GRIP2: variants seen among roughly 807,000 people sequenced by gnomAD.
GRIP2 encodes the protein glutamate receptor-interacting protein 2.
In GRIP2, 58 loss-of-function variants were observed where a neutral mutation model predicts 108.3. The observed-to-expected ratio is 0.54, with a 90% CI of 0.43 to 0.67. GRIP2 has a LOEUF of 0.67. GRIP2 is among the 30% of genes least tolerant of loss of function. The pLI is 0.00. For synonymous variants in GRIP2, 586 were observed against 598.2 expected, an observed-to-expected ratio of 0.98 and a Z score of 0.30; for missense variants, 1,278 against 1,430.6, an observed-to-expected ratio of 0.89 and a Z score of 1.72.
At position 14,500,433 on chromosome 3, in the gene GRIP2, C is replaced by A. The variant is rs186115134; in HGVS notation, c.2679+3133G>T. Among the ~76,000 whole-genome samples the A allele has an allele frequency of 3.2e-3, 484 of 152,248 alleles. 4 individuals are homozygous for A. The highest frequency in any genetic ancestry group is 0.01 in the African/African-American group (416 of 41,550). ...TAAGACAAATAAACTCTTACTGAGACACATCAGAGCAAGAGAGCCAGCCAT... is the reference window on the plus strand; with the variant it reads ...TAAGACAAATAAACTCTTACTGAGAAACATCAGAGCAAGAGAGCCAGCCAT... On this transcript the variant is annotated intron_variant, in intron 21 of 23. Coordinates refer to ENST00000621039, the MANE Select transcript of GRIP2 (RefSeq NM_001080423.4).
intron 7 of GRIP2, 172 bp from the exon 8 acceptor site, chr3:14,520,709 A>G: frequency 2.9e-6 from 2 of 698,348 alleles, no homozygotes; most frequent in Non-Finnish European, 4.7e-6. Context: ...ACCAAATGTT[A>G]TATCAATTTG....
In GRIP2 at chr3:14,511,289, G is replaced by C. The variant is rs781690636; in HGVS notation, c.1809C>G (p.Gly603=). 2 of 1,613,862 alleles carry C rather than the reference G, an allele frequency of 1.2e-6. No homozygotes were observed. Among genetic ancestry groups the C allele is most frequent in the African/African-American group, 2.7e-5 (2 of 74,920 alleles). Reference sequence around the variant, plus strand: ...TATTGTCAATGGCCAGTAGCTTGTCGCCTGGCTCCAGGGTGCCCGTCCTGC... The same window carrying C: ...TATTGTCAATGGCCAGTAGCTTGTCCCCTGGCTCCAGGGTGCCCGTCCTGC... ...VAHRTGTLEP[G]DKLLAIDNIR... Residue 603 remains glycine (G), a synonymous_variant, in exon 16 of 24, where the codon GGC becomes GGG. Transcript: ENST00000621039. The surrounding 1 kb of genome is among the most constrained non-coding windows in gnomAD (Gnocchi z 4.1).
chr3:14,542,899 A>C (rs1167031687), upstream of GRIP2, among the ~76,000 whole-genome samples: 1 of 152,208 alleles, frequency 6.6e-6, no homozygotes, highest in African/African-American at 2.4e-5. Context: ...GCCAAGTTTC[A>C]CACTCAGGAG....
chr3:14,567,589 T>C, the GRIP2 span, among the ~76,000 whole-genome samples: 2 of 152,220 alleles, frequency 1.3e-5, no homozygotes, highest in Admixed American at 1.3e-4. Flanking sequence ...GGGACTCTTC[T>C]AGTCCTCAAA....
chr3:14,587,639 C>CA, the GRIP2 span, among the ~76,000 whole-genome samples: 438 of 124,314 alleles, frequency 3.5e-3, 1 homozygote, highest in Middle Eastern at 0.017. Flanking sequence ...ATGCCATCTC[C>CA]AAAAAAAAAA....
chr3:14,502,777 G>A (rs1693803139), intron 21 of GRIP2, among the ~76,000 whole-genome samples: 1 of 151,896 alleles, frequency 6.6e-6, no homozygotes, highest in East Asian at 1.9e-4. Flanking sequence ...AAAGTGGAAG[G>A]AAGAGACTAT....
intron 21 of GRIP2, among the ~76,000 whole-genome samples, chr3:14,499,550 T>C (rs181067832): frequency 0.051 from 7,365 of 145,146 alleles, 279 homozygotes; most frequent in Middle Eastern, 0.1. Context: ...ACCCTGTCTC[T>C]ACCAAAAAAA....
intron 1 of GRIP2, 200 bp from the exon 2 acceptor site, chr3:14,526,131 T>TCAAA: frequency 1.6e-6 from 1 of 615,708 alleles, no homozygotes. Context: ...CTCTTGGGGC[T>TCAAA]GAGTAACATT....
chr3:14,518,825 C>A (rs1694328153), intron 9 of GRIP2, among the ~76,000 whole-genome samples: 1 of 152,348 alleles, frequency 6.6e-6, no homozygotes, highest in East Asian at 1.9e-4. Flanking sequence ...CCTATCTGTG[C>A]CTCAGTGCTA....
In GRIP2 at chr3:14,521,577, C is replaced by T. The variant is rs528818030; in HGVS notation, c.712+65G>A. On this transcript the variant is annotated intron_variant, in intron 7 of 23. Transcript: ENST00000621039. This position sits in a 1 kb window ranked among gnomAD's most constrained non-coding sequence, Gnocchi z 5.1. ...TTGCAGTGGTAAAGATCCATGGCCA[C>T]TGCCACCTCCCCCCATCCCAGGCCT... The T allele has an allele frequency of 6.7e-4, 1,007 of 1,501,236 alleles. 8 individuals are homozygous for T. In the South Asian group the frequency reaches 9.1e-3, roughly 14 times the overall value. The allele number at this position is 1,501,236 out of a possible 1,614,324, so 93.0% of individuals were successfully genotyped here. A position where few individuals can be genotyped will look rare whatever the true frequency, so the allele number is the denominator to read the frequency against.
chr3:14,565,872 G>C, the GRIP2 span, among the ~76,000 whole-genome samples: 1 of 152,170 alleles, frequency 6.6e-6, no homozygotes, highest in African/African-American at 2.4e-5. Flanking sequence ...CCCCCATCCT[G>C]CCATGCATCT....
intron 17 of GRIP2, 119 bp downstream of exon 17, chr3:14,509,701 C>T (rs1694029696): frequency 3.8e-6 from 4 of 1,060,980 alleles, no homozygotes; most frequent in Non-Finnish European, 5.0e-6. Context: ...GGCCCAATGT[C>T]ACCCACAGTG....
the GRIP2 span, chr3:14,573,554 A>C: frequency 6.9e-7 from 1 of 1,448,598 alleles, no homozygotes; most frequent in Non-Finnish European, 9.7e-7. Flanking sequence ...CCTCATGGAA[A>C]TAGCCCCTCA....
At chr3:14,504,875 C>T (rs1559333480) in intron 20 of GRIP2, among the ~76,000 whole-genome samples, 1 of 152,074 alleles carries the variant, frequency 6.6e-6, no homozygotes. Flanking sequence ...TACTAGGGGC[C>T]ACGCGTGGAG....
intron 21 of GRIP2, among the ~76,000 whole-genome samples, chr3:14,499,430 T>C (rs1382471596): frequency 6.6e-6 from 1 of 151,946 alleles, no homozygotes; most frequent in East Asian, 1.9e-4. Context: ...CAAAAGAAAC[T>C]TGAGAACCGG....
At position 14,552,185 on chromosome 3, in the gene GRIP2, C is replaced by G. The variant is rs186678532; in HGVS notation, c.55+3715G>C. ...CGCACTGGAGAGAGAGGGCTCATTT[C>G]CACTCTGGGAGTCAGATTTGAGGCC... is the stretch of plus-strand genomic sequence containing the variant. On this transcript the variant is annotated intron_variant, in intron 1 of 23. Coordinates refer to the GRIP2 transcript ENST00000637182. Among the ~76,000 whole-genome samples the G allele has an allele frequency of 5.6e-3, 856 of 152,326 alleles. 6 individuals are homozygous for G. The highest frequency in any genetic ancestry group is 0.019 in the African/African-American group (803 of 41,568).
At chr3:14,502,186 C>T (rs964692099) in intron 21 of GRIP2, among the ~76,000 whole-genome samples, 1 of 152,044 alleles carries the variant, frequency 6.6e-6, no homozygotes, top group Non-Finnish European at 1.5e-5. Flanking sequence ...AACAACGATA[C>T]AGTAAATTTG....
Position 14,503,990 on chromosome 3 carries a change from CAGAG to C in GRIP2, c.2574-323_2574-320del, listed in dbSNP as rs537738972. On this transcript the variant is annotated intron_variant, in intron 20 of 23. Coordinates refer to ENST00000621039, the MANE Select transcript of GRIP2 (RefSeq NM_001080423.4). ...GACAGAGGACAAACAGACGAACAGA[CAGAG>C]AGGAGATCCATGGTGTAGTCCCAGA... The C allele has an allele frequency of 6.6e-4, 245 of 369,972 alleles. 3 individuals are homozygous for C. Among genetic ancestry groups the C allele is most frequent in the African/African-American group, 4.8e-3 (233 of 48,380 alleles). 22.9% of individuals were successfully genotyped at this position (369,972 alleles called of 1,614,324 possible). A position where few individuals can be genotyped will look rare whatever the true frequency, so the allele number is the denominator to read the frequency against.
chr3:14,534,804 T>C (rs2124949495), intron 1 of GRIP2, among the ~76,000 whole-genome samples: 1 of 152,300 alleles, frequency 6.6e-6, no homozygotes, highest in African/African-American at 2.4e-5. Context: ...ATGGCTAATT[T>C]GCCTTCATTA....
Sources: gnomAD v4.1 joint callset for allele counts (sites outside exome capture counted in the v4.1 genomes callset) on GRCh38, gnomAD v4.1.1 for gene constraint, Gnocchi (gnomAD v3.1) non-coding constraint, MANE v1.5 for transcripts, NCBI Gene and HGNC (gene_info 2026-07-23, HGNC 2026-07-21) for gene names.